TRPM6: variants seen among roughly 807,000 people sequenced by gnomAD.
TRPM6 encodes the protein transient receptor potential cation channel subfamily M member 6, also known as channel kinase 2.
A neutral mutation model predicts 247.6 loss-of-function variants in TRPM6; 111 were observed. That is an observed-to-expected ratio of 0.45 (90% confidence interval 0.38 to 0.52). TRPM6 has a LOEUF of 0.52. Ranked by LOEUF, TRPM6 falls within the 20% of genes least tolerant of loss-of-function variation. TRPM6 has a pLI of 0.00. For synonymous variants in TRPM6, 892 were observed against 853.8 expected, an observed-to-expected ratio of 1.04 and a Z score of -0.78; for missense variants, 2,126 against 2,421.5, an observed-to-expected ratio of 0.88 and a Z score of 2.56.
chr9:74,835,256 C>A (rs1829686189), intron 5 of TRPM6, among the ~76,000 whole-genome samples: 1 of 152,060 alleles, frequency 6.6e-6, no homozygotes, highest in Non-Finnish European at 1.5e-5. Flanking sequence ...CTGTTCATAT[C>A]CTTTGCCCAC....
chr9:74,794,945 TAA>T (rs368141194), intron 18 of TRPM6, among the ~76,000 whole-genome samples: 1 of 123,520 alleles, frequency 8.1e-6, no homozygotes, highest in Non-Finnish European at 1.7e-5. Flanking sequence ...ACTACAACAA[TAA>T]GTCTTCCCCC....
intron 23 of TRPM6, among the ~76,000 whole-genome samples, chr9:74,777,968 T>G (rs1199481669): frequency 3.3e-5 from 5 of 152,212 alleles, no homozygotes; most frequent in African/African-American, 4.8e-5. Context: ...CTTTAAACAC[T>G]GATGTGTAGC....
At chr9:74,848,867 A>G (rs1490028087) in intron 3 of TRPM6, among the ~76,000 whole-genome samples, 1 of 152,196 alleles carries the variant, frequency 6.6e-6, no homozygotes, top group Non-Finnish European at 1.5e-5. Context: ...GAAGAAAAAA[A>G]CGTAAAGAAA....
At chr9:74,810,598 T>C (rs898752745) in intron 13 of TRPM6, among the ~76,000 whole-genome samples, 6 of 152,212 alleles carry the variant, frequency 3.9e-5, no homozygotes, top group African/African-American at 1.2e-4. Flanking sequence ...AAATATCACC[T>C]AACTGATGGA....
At chr9:74,835,382 G>GT (rs907399968) in intron 5 of TRPM6, among the ~76,000 whole-genome samples, 6 of 110,034 alleles carry the variant, frequency 5.5e-5, no homozygotes, top group African/African-American at 1.3e-4. Flanking sequence ...TATTATGAAT[G>GT]TTTTTTTTAT....
intron 5 of TRPM6, among the ~76,000 whole-genome samples, chr9:74,835,382 GT>G (rs907399968): frequency 9.1e-6 from 1 of 109,942 alleles, no homozygotes; most frequent in Non-Finnish European, 2.3e-5. Flanking sequence ...TATTATGAAT[GT>G]TTTTTTTATG....
chr9:74,882,044 A>C (rs1324306656), intron 1 of TRPM6, among the ~76,000 whole-genome samples: 1 of 152,198 alleles, frequency 6.6e-6, no homozygotes, highest in Admixed American at 6.5e-5. Context: ...ATATACAAAA[A>C]TCAACTCAAG....
At chr9:74,861,685 T>G (rs1188886150) in intron 1 of TRPM6, among the ~76,000 whole-genome samples, 3 of 152,236 alleles carry the variant, frequency 2.0e-5, no homozygotes, top group African/African-American at 7.2e-5. Context: ...TTCCTGGGAC[T>G]TATTAAGTCT....
chr9:74,835,477 T>G lies in TRPM6; in HGVS notation c.545-1355A>C, dbSNP rs143581558. 1.3e-4 allele frequency among the ~76,000 whole-genome samples: 20 copies of G among 152,310 alleles called. No homozygotes were observed. The East Asian group carries it at 3.7e-3, about 28-fold the overall frequency. ...GGCAAACTAATTTAATAGCTTTATA[T>G]GCACAAATATTTCAAAGCTAATACA... On this transcript the variant is annotated intron_variant, in intron 5 of 38. Coordinates refer to ENST00000360774, the MANE Select transcript of TRPM6 (RefSeq NM_017662.5).
At chr9:74,838,494 A>T (rs1829801957) in intron 5 of TRPM6, among the ~76,000 whole-genome samples, 1 of 152,208 alleles carries the variant, frequency 6.6e-6, no homozygotes, top group African/African-American at 2.4e-5. Context: ...GTCAAAAGGA[A>T]CTTTGTTATG....
intron 1 of TRPM6, among the ~76,000 whole-genome samples, chr9:74,882,044 A>G (rs1324306656): frequency 6.6e-6 from 1 of 152,198 alleles, no homozygotes; most frequent in Non-Finnish European, 1.5e-5. Flanking sequence ...ATATACAAAA[A>G]TCAACTCAAG....
intron 7 of TRPM6, among the ~76,000 whole-genome samples, chr9:74,825,362 A>G (rs148334646): frequency 3.2e-4 from 48 of 152,276 alleles, no homozygotes; most frequent in African/African-American, 1.1e-3. Flanking sequence ...AAATACAAAT[A>G]TGGTAGCCAA....
chr9:74,832,704 G>GTTCA (rs925283277), intron 6 of TRPM6, among the ~76,000 whole-genome samples: 17 of 152,172 alleles, frequency 1.1e-4, no homozygotes, highest in African/African-American at 4.1e-4. Flanking sequence ...ATAGAAAAGA[G>GTTCA]TTCATTTTTC....
At chr9:74,840,803 T>C (rs1829910752) in intron 4 of TRPM6, among the ~76,000 whole-genome samples, 1 of 127,926 alleles carries the variant, frequency 7.8e-6, no homozygotes, top group Non-Finnish European at 1.5e-5. Context: ...CACTCCAGCC[T>C]GGGTGACAGA....
chr9:74,744,998 G>A (rs548881076), intron 31 of TRPM6, among the ~76,000 whole-genome samples: 6 of 152,282 alleles, frequency 3.9e-5, no homozygotes, highest in Non-Finnish European at 7.4e-5. Context: ...AAAACAAAAA[G>A]TATTCCTCTC....
rs771255609 is a variant in TRPM6 at position 74,800,452 on chromosome 9, C to T, written c.2040G>A (p.Leu680=). Residue 680 remains leucine, a synonymous_variant, in exon 17 of 39, where the codon TTG becomes TTA. Coordinates refer to ENST00000360774, the MANE Select transcript of TRPM6 (RefSeq NM_017662.5). ...KQFGQLALDL[L]EKAFKQNERM... is the part of the protein sequence containing the mutation. ...GCTCATTCTGCTTGAATGCCTTCTC[C>T]AACAAGTCCAGAGCCAGCTGGCCAA... is the stretch of plus-strand genomic sequence containing the variant. 74 of 1,613,854 alleles carry T rather than the reference C, an allele frequency of 4.6e-5. No individual in the cohort carries two copies. In the Admixed American group the frequency reaches 1.2e-3, roughly 27 times the overall value.
At chr9:74,860,555 C>T (rs1178343400) in intron 1 of TRPM6, among the ~76,000 whole-genome samples, 1 of 152,080 alleles carries the variant, frequency 6.6e-6, no homozygotes, top group African/African-American at 2.4e-5. Flanking sequence ...AACAGGGTTT[C>T]ACCACGTTGG....
At chr9:74,866,904 A>T (rs889162094) in intron 1 of TRPM6, among the ~76,000 whole-genome samples, 1 of 152,214 alleles carries the variant, frequency 6.6e-6, no homozygotes, top group Non-Finnish European at 1.5e-5. Flanking sequence ...ATGTCTACCA[A>T]TATTTACCAC....
intron 18 of TRPM6, among the ~76,000 whole-genome samples, chr9:74,793,867 G>C (rs945807689): frequency 6.6e-6 from 1 of 152,196 alleles, no homozygotes; most frequent in Non-Finnish European, 1.5e-5. Context: ...AAAAAGGTAT[G>C]TGTCAGTCCA....
Sources: allele counts gnomAD v4.1 joint callset (sites outside exome capture counted in the v4.1 genomes callset), GRCh38; gene constraint gnomAD v4.1.1; transcripts MANE v1.5; gene names NCBI Gene and HGNC (gene_info 2026-07-23, HGNC 2026-07-21).